PHC3: variants seen among roughly 807,000 people sequenced by gnomAD.
PHC3 encodes the protein polyhomeotic-like protein 3.
A neutral mutation model predicts 107.4 loss-of-function variants in PHC3; 13 were observed. The observed-to-expected ratio is 0.12, with a 90% CI of 0.08 to 0.19. The LOEUF (loss-of-function observed/expected upper bound fraction) is 0.19. Ranked by LOEUF, PHC3 falls within the 10% of genes least tolerant of loss-of-function variation. The pLI is 1.00. For synonymous variants in PHC3, 456 were observed against 427.4 expected, an observed-to-expected ratio of 1.07 and a Z score of -0.83; for missense variants, 992 against 1,210.9, an observed-to-expected ratio of 0.82 and a Z score of 2.68.
At chr3:170,154,290 C>T (rs753364880) in intron 4 of PHC3, among the ~76,000 whole-genome samples, 1 of 152,144 alleles carries the variant, frequency 6.6e-6, no homozygotes, top group Non-Finnish European at 1.5e-5. Context: ...TTAAGCTTTG[C>T]TCCAGAGATT....
At chr3:170,126,528 A>ATATATATATATATATATATATATATATAT in intron 8 of PHC3, among the ~76,000 whole-genome samples, 1 of 90,620 alleles carries the variant, frequency 1.1e-5, no homozygotes, top group African/African-American at 4.5e-5. Flanking sequence ...ATATATATAT[A>ATATATATATATATATATATATATATATAT]TTTTTTTTTT....
intron 7 of PHC3, among the ~76,000 whole-genome samples, chr3:170,133,182 C>CA (rs1404999874): frequency 7.1e-6 from 1 of 141,404 alleles, no homozygotes; most frequent in Non-Finnish European, 1.6e-5. Flanking sequence ...TTCAGATTAA[C>CA]TTTTTTTTTT....
chr3:170,148,815 T>G (rs895490831), intron 5 of PHC3: 4 of 256,386 alleles, frequency 1.6e-5, no homozygotes, highest in Non-Finnish European at 2.2e-5. Context: ...TTTCAATGAA[T>G]TTGATATTAA....
chr3:170,131,432 A>C (rs904966909), intron 7 of PHC3, among the ~76,000 whole-genome samples: 3 of 152,180 alleles, frequency 2.0e-5, no homozygotes, highest in Non-Finnish European at 4.4e-5. Flanking sequence ...CAGATAAGTA[A>C]ATAGATTTTT....
intron 4 of PHC3, among the ~76,000 whole-genome samples, chr3:170,163,749 G>A (rs1341442887): frequency 6.6e-6 from 1 of 150,934 alleles, no homozygotes; most frequent in Non-Finnish European, 1.5e-5. Flanking sequence ...TGTAATCCCA[G>A]CTATTCGGGA....
chr3:170,132,434 G>A (rs765756549), intron 7 of PHC3, among the ~76,000 whole-genome samples: 13 of 152,180 alleles, frequency 8.5e-5, no homozygotes, highest in Non-Finnish European at 1.6e-4. Context: ...TTCGTATGCT[G>A]AAGCCCTAAC....
Position 170,128,940 on chromosome 3 carries a change from A to T in PHC3, c.1532T>A (p.Ile511Asn), listed in dbSNP as rs371052045. 4.3e-6 allele frequency: 7 copies of T among 1,613,828 alleles called. No homozygotes were observed. The African/African-American group carries it at 9.3e-5, about 22-fold the overall frequency. The change falls in exon 8 of 15, where the codon ATT (isoleucine) becomes AAT (asparagine). Residue 511 changes from isoleucine to asparagine, a missense_variant. Around this residue, in one of 6 missense-constraint regions of PHC3, gnomAD observed 543 missense variants for 590.8 expected, o/e 0.92. Transcript: ENST00000495893. ...YSSLQSSPIP[I>N]ASPPQMSTSP... Reference sequence around the variant, plus strand: ...TGTCGACATCTGTGGAGGACTTGCAATTGGGATTGGAGAGGACTGCAGGGA... The same window carrying T: ...TGTCGACATCTGTGGAGGACTTGCATTTGGGATTGGAGAGGACTGCAGGGA...
In PHC3 at chr3:170,089,250, T is replaced by C. The variant is rs956553231; in HGVS notation, c.*7980A>G. 2.0e-5 allele frequency: 3 copies of C among 152,244 alleles called. No individual in the cohort carries two copies. Among genetic ancestry groups the C allele is most frequent in the Non-Finnish European group, 4.4e-5 (3 of 68,030 alleles). The allele number at this position is 152,244 out of a possible 1,614,324, so 9.4% of individuals were successfully genotyped here. On this transcript the variant is annotated 3_prime_UTR_variant, in exon 15 of 15. Coordinates refer to ENST00000495893, the MANE Select transcript of PHC3 (RefSeq NM_024947.4). The stretch of plus-strand genomic sequence containing the variant: ...TCTATATCTTTATGGAGAATGTCAG[T>C]ATCAACTGATGTTAACAAGTAAAGC...
intron 1 of PHC3, 147 bp downstream of exon 1, chr3:170,181,555 G>C: frequency 1.7e-6 from 2 of 1,190,370 alleles, no homozygotes; most frequent in Non-Finnish European, 2.4e-6. Context: ...CACGGGCCTA[G>C]CCGGCTCCTC....
chr3:170,156,090 G>A (rs1726850539), intron 4 of PHC3, among the ~76,000 whole-genome samples: 1 of 152,140 alleles, frequency 6.6e-6, no homozygotes, highest in Non-Finnish European at 1.5e-5. Context: ...TCAAGTATCA[G>A]TAGAGTAAAA....
chr3:170,110,679 T>C (rs1717469992), intron 11 of PHC3, among the ~76,000 whole-genome samples: 2 of 152,198 alleles, frequency 1.3e-5, no homozygotes. Context: ...GGAAAGCGGA[T>C]TGTATTTTAC....
chr3:170,147,517 AT>A (rs1043132705), intron 5 of PHC3: 1 of 152,220 alleles, frequency 6.6e-6, no homozygotes, highest in Admixed American at 6.5e-5. Flanking sequence ...TTTAAAAAAA[AT>A]AGCTGCATCT....
At chr3:170,136,344 T>C (rs775336601) in intron 7 of PHC3, 75 bp downstream of exon 7, 1 of 1,565,712 alleles carries the variant, frequency 6.4e-7, no homozygotes, top group Non-Finnish European at 8.7e-7. Flanking sequence ...GTTCAAGTCA[T>C]GAACATCCTT....
intron 9 of PHC3, among the ~76,000 whole-genome samples, chr3:170,121,604 T>C (rs1402709548): frequency 6.6e-6 from 1 of 152,080 alleles, no homozygotes; most frequent in Non-Finnish European, 1.5e-5. Flanking sequence ...GCTCAAGTCA[T>C]CCTCCTACCT....
intron 6 of PHC3, among the ~76,000 whole-genome samples, chr3:170,141,354 C>G (rs539028368): frequency 3.3e-5 from 5 of 152,266 alleles, no homozygotes; most frequent in African/African-American, 1.2e-4. Flanking sequence ...ATTCCTCTAG[C>G]CCCTCAAAAA....
intron 10 of PHC3, among the ~76,000 whole-genome samples, chr3:170,116,909 TA>T (rs10714410): frequency 0.92 from 137,943 of 149,518 alleles, 63,715 homozygotes; most frequent in East Asian, 1. Flanking sequence ...AGATCCTGTC[TA>T]AAAAAAAAAA....
At chr3:170,133,623 T>C (rs1722601430) in intron 7 of PHC3, among the ~76,000 whole-genome samples, 1 of 152,260 alleles carries the variant, frequency 6.6e-6, no homozygotes, top group Admixed American at 6.5e-5. Flanking sequence ...CTGCGTGGTT[T>C]GTTTATAATC....
intron 6 of PHC3, among the ~76,000 whole-genome samples, chr3:170,144,267 G>T (rs538064647): frequency 6.6e-6 from 1 of 151,816 alleles, no homozygotes; most frequent in Non-Finnish European, 1.5e-5. Flanking sequence ...CTTGAACACA[G>T]GAGGTGGAGG....
At chr3:170,137,571 T>C (rs923153792) in intron 6 of PHC3, among the ~76,000 whole-genome samples, 3 of 152,198 alleles carry the variant, frequency 2.0e-5, no homozygotes, top group African/African-American at 7.2e-5. Context: ...TACTGCTGCT[T>C]TATAAAAACA....
Sources: allele counts gnomAD v4.1 joint callset (sites outside exome capture counted in the v4.1 genomes callset), GRCh38; gene constraint gnomAD v4.1.1; regional missense constraint gnomAD v4.1.1; transcripts MANE v1.5; gene names NCBI Gene and HGNC (gene_info 2026-07-23, HGNC 2026-07-21).